The following CDKN2A variants were observed in gnomAD, a reference collection of about 807,000 sequenced individuals.
CDKN2A encodes the protein cyclin-dependent kinase inhibitor 2A.
A neutral mutation model predicts 11.1 loss-of-function variants in CDKN2A; 3 were observed. The ratio of observed to expected loss-of-function variants is 0.27; its 90% CI spans 0.12 to 0.70. CDKN2A has a LOEUF of 0.70. CDKN2A is among the 30% of genes least tolerant of loss of function. The pLI, the probability that CDKN2A is intolerant of heterozygous loss-of-function variation, is 0.77. For missense variants in CDKN2A, 265 were observed against 233.6 expected (o/e 1.13, Z -0.88); for synonymous variants, 122 against 108.1 (o/e 1.13, Z -0.80).
chr9:21,994,365 C>G, intron 1 of CDKN2A: 1 of 1,607,572 alleles, frequency 6.2e-7, no homozygotes, highest in Non-Finnish European at 8.5e-7. Context: ...GCTCGGCAGC[C>G]GCTGCGCCGC....
At chr9:21,993,962 C>A in exon 2 of CDKN2A, 1 of 716,158 alleles carries the variant, frequency 1.4e-6, no homozygotes, top group Non-Finnish European at 2.4e-6. Context: ...GGTCCAGGTT[C>A]AATGGTACTG....
At chr9:21,969,707 C>G (rs1819602436) in intron 2 of CDKN2A, 3 of 398,234 alleles carry the variant, frequency 7.5e-6, no homozygotes, top group Admixed American at 4.4e-5. Flanking sequence ...TAATTGGCAG[C>G]TCCTTCTAAA....
chr9:21,984,297 C>G (rs1587349860), intron 2 of CDKN2A, among the ~76,000 whole-genome samples: 1 of 151,908 alleles, frequency 6.6e-6, no homozygotes, highest in Non-Finnish European at 1.5e-5. Context: ...CAAAAAAAAC[C>G]CCTCATTAAA....
upstream of CDKN2A, among the ~76,000 whole-genome samples, chr9:21,976,205 C>T (rs577601208): frequency 6.6e-6 from 1 of 151,730 alleles, no homozygotes; most frequent in Non-Finnish European, 1.5e-5. Context: ...ATGGTGACAC[C>T]CCGTCTCTAC....
Position 21,968,877 on chromosome 9 carries a change from GC to G in CDKN2A, c.458-636del, listed in dbSNP as rs1348817590. ...CTCGCCGTTCGGTTCTCCCGAGGCA[GC>G]ATTTACACTTGAGAGTCTCAAGATT... On this transcript the variant is annotated intron_variant, in intron 2 of 2. Transcript: ENST00000304494. This position sits in a 1 kb window ranked among gnomAD's most constrained non-coding sequence, Gnocchi z 4.7. 1.1e-5 allele frequency: 12 copies of G among 1,083,152 alleles called. No homozygotes were observed. The highest frequency in any genetic ancestry group is 4.1e-6 in the Non-Finnish European group (3 of 734,530). 67.1% of individuals were successfully genotyped at this position (1,083,152 alleles called of 1,614,324 possible).
intron 2 of CDKN2A, chr9:21,993,845 G>GTGTC: frequency 2.2e-6 from 1 of 457,742 alleles, no homozygotes; most frequent in Non-Finnish European, 4.0e-6. Flanking sequence ...GTGTGTGTGT[G>GTGTC]TCTTAGTCAT....
Position 21,988,405 on chromosome 9 carries a change from C to CA in CDKN2A, c.-4+5476_-4+5477insT. Among the ~76,000 whole-genome samples, 1 of 152,100 alleles carries CA rather than the reference C, an allele frequency of 6.6e-6. No individual in the cohort carries two copies. The highest frequency in any genetic ancestry group is 1.5e-5 in the Non-Finnish European group (1 of 67,980). On this transcript the variant is annotated intron_variant, in intron 2 of 3. Coordinates refer to the CDKN2A transcript ENST00000494262. This position sits in a 1 kb window ranked among gnomAD's most constrained non-coding sequence, Gnocchi z 4.1. ...TCAATCCTGTAGTTGATGGCTTTCA[C>CA]TTTTTTTTCCCTTTTATTACTTCTT...
Position 21,968,713 on chromosome 9 carries a change from C to G in CDKN2A, c.458-471G>C. 6.5e-7 allele frequency: 1 copy of G among 1,536,152 alleles called. No homozygotes were observed. The highest frequency in any genetic ancestry group is 8.7e-7 in the Non-Finnish European group (1 of 1,146,906). ...AGGCTCTGGCGCTCCTCGGCGGAATCCCGTAGCTTCCCTACGCATGCCTGC... is the reference window on the plus strand; with the variant it reads ...AGGCTCTGGCGCTCCTCGGCGGAATGCCGTAGCTTCCCTACGCATGCCTGC... On this transcript the variant is annotated intron_variant, in intron 2 of 2. Transcript: ENST00000304494. This position sits in a 1 kb window ranked among gnomAD's most constrained non-coding sequence, Gnocchi z 4.7.
intron 2 of CDKN2A, among the ~76,000 whole-genome samples, chr9:21,990,374 C>A (rs1587354357): frequency 1.3e-5 from 2 of 152,164 alleles, no homozygotes; most frequent in South Asian, 4.1e-4. Context: ...GTGTATGACA[C>A]TTAAACAACT....
chr9:21,992,098 T>C, intron 2 of CDKN2A: 2 of 860,730 alleles, frequency 2.3e-6, no homozygotes, highest in East Asian at 2.4e-4. Flanking sequence ...TCCAATCATA[T>C]AAAAATAAAA....
Position 21,974,598 on chromosome 9 carries a change from C to T in CDKN2A, c.150+80G>A. 1 of 1,614,052 alleles carries T rather than the reference C, an allele frequency of 6.2e-7. No homozygotes were observed. ...CTTTTTCCGGAGAATCGAAGCGCTA[C>T]CTGATTCCAATTCCCCTGCAAACTT... On this transcript the variant is annotated intron_variant, in intron 1 of 2. Transcript: ENST00000304494. The surrounding 1 kb of genome is among the most constrained non-coding windows in gnomAD (Gnocchi z 5.2).
rs1332510012 is a variant in CDKN2A, at chr9:21,971,079, G to A, written c.280C>T (p.Leu94=). 1 of 1,605,466 alleles carries A rather than the reference G, an allele frequency of 6.2e-7. No individual in the cohort carries two copies. The highest frequency in any genetic ancestry group is 2.2e-5 in the East Asian group (1 of 44,860). ...DAAREGFLDT[L]VVLHRAGARL... is the part of the protein sequence containing the mutation. ...GCCCCGGCCCGGTGCAGCACCACCA[G>A]CGTGTCCAGGAAGCCCTCCCGGGCA... The change falls in exon 2 of 3, where the codon CTG becomes TTG. Residue 94 remains leucine (L), a synonymous_variant. Coordinates refer to ENST00000304494, the MANE Select transcript of CDKN2A (RefSeq NM_000077.5).
upstream of CDKN2A, among the ~76,000 whole-genome samples, chr9:21,979,564 C>G (rs1032213290): frequency 1.3e-5 from 2 of 152,096 alleles, no homozygotes; most frequent in African/African-American, 4.8e-5. Context: ...GATTTTGTCA[C>G]AAGAGATACA....
Position 21,968,402 on chromosome 9 carries a change from C to T in CDKN2A, c.458-160G>A. 1.0e-6 allele frequency: 1 copy of T among 974,718 alleles called. No individual in the cohort carries two copies. Among genetic ancestry groups the T allele is most frequent in the African/African-American group, 1.7e-5 (1 of 57,154 alleles). The allele number at this position is 974,718 out of a possible 1,614,324, so 60.4% of individuals were successfully genotyped here. A position where few individuals can be genotyped will look rare whatever the true frequency, so the allele number is the denominator to read the frequency against. ...CATGTACCCGCCGCCACCGCTCTCC[C>T]ACACCTCCCTGGTCCAGCAGCTAGT... is the stretch of plus-strand genomic sequence containing the variant. On this transcript the variant is annotated intron_variant, in intron 2 of 2. Coordinates refer to ENST00000304494, the MANE Select transcript of CDKN2A (RefSeq NM_000077.5). The surrounding 1 kb of genome is among the most constrained non-coding windows in gnomAD (Gnocchi z 4.7).
At chr9:21,994,487 G>A (rs781158752) in intron 1 of CDKN2A, 1 of 1,429,084 alleles carries the variant, frequency 7.0e-7, no homozygotes, top group Non-Finnish European at 9.1e-7. Flanking sequence ...CGCCTTCCCT[G>A]AGCGCGCCCG....
At chr9:21,987,654 A>G (rs753050643) in intron 2 of CDKN2A, among the ~76,000 whole-genome samples, 2 of 152,094 alleles carry the variant, frequency 1.3e-5, no homozygotes, top group Non-Finnish European at 2.9e-5. Context: ...TTTCCAATTC[A>G]TACAAAGGGT....
intron 1 of CDKN2A, chr9:21,971,516 G>A: frequency 2.3e-6 from 1 of 436,718 alleles, no homozygotes. Context: ...CTAACTTCCT[G>A]TATTTCCCCT....
rs1819547222 is a variant in CDKN2A, at chr9:21,968,891, G to C, written c.458-649C>G. The C allele has an allele frequency of 2.1e-6, 2 of 938,894 alleles. No homozygotes were observed. Among genetic ancestry groups the C allele is most frequent in the Admixed American group, 2.0e-5 (1 of 48,812 alleles). 58.2% of individuals were successfully genotyped at this position (938,894 alleles called of 1,614,324 possible). On this transcript the variant is annotated intron_variant, in intron 2 of 2. Coordinates refer to ENST00000304494, the MANE Select transcript of CDKN2A (RefSeq NM_000077.5). This position sits in a 1 kb window ranked among gnomAD's most constrained non-coding sequence, Gnocchi z 4.7. ...CTCCCGAGGCAGCATTTACACTTGA[G>C]AGTCTCAAGATTATTTTATTCCTGA...
chr9:21,979,544 G>A (rs879065178), upstream of CDKN2A, among the ~76,000 whole-genome samples: 3 of 152,196 alleles, frequency 2.0e-5, no homozygotes, highest in Non-Finnish European at 4.4e-5. Context: ...AAAGTACAGC[G>A]GTGGTTATAG....
Sources: gnomAD v4.1 joint callset for allele counts (sites outside exome capture counted in the v4.1 genomes callset) on GRCh38, gnomAD v4.1.1 for gene constraint, Gnocchi (gnomAD v3.1) non-coding constraint, MANE v1.5 for transcripts, NCBI Gene and HGNC (gene_info 2026-07-23, HGNC 2026-07-21) for gene names.